The following SLC14A2 variants were observed in gnomAD, a reference collection of about 807,000 sequenced individuals.
The protein encoded by SLC14A2 is urea transporter 2.
Under a neutral mutation model 104.6 loss-of-function variants are expected in SLC14A2, and 91 were observed. The observed-to-expected ratio is 0.87, with a 90% confidence interval of 0.73 to 1.04. The LOEUF (loss-of-function observed/expected upper bound fraction) is 1.04. Among genes scored for constraint, SLC14A2 ranks in the 50% least tolerant of loss-of-function variants. SLC14A2 has a pLI of 0.00. For synonymous variants in SLC14A2, 476 were observed against 466.4 expected (o/e 1.02, Z -0.27); for missense variants, 1,189 against 1,156.0 (o/e 1.03, Z -0.41).
chr18:45,484,175 T>C (rs550733564), intron 2 of SLC14A2, among the ~76,000 whole-genome samples: 3 of 152,178 alleles, frequency 2.0e-5, no homozygotes, highest in Non-Finnish European at 2.9e-5. Context: ...CTGAGTTGTA[T>C]GTTAGGTCCT....
chr18:45,469,226 A>C (rs1687909076), intron 1 of SLC14A2, among the ~76,000 whole-genome samples: 1 of 152,234 alleles, frequency 6.6e-6, no homozygotes, highest in South Asian at 2.1e-4. Context: ...TAAGATGGTA[A>C]TAATGGACAA....
chr18:45,227,585 C>T (rs1277333184), intron 1 of SLC14A2, among the ~76,000 whole-genome samples: 3 of 152,188 alleles, frequency 2.0e-5, no homozygotes, highest in Non-Finnish European at 4.4e-5. Flanking sequence ...GCCCTCCTGG[C>T]CTGATCACCT....
the SLC14A2 span, among the ~76,000 whole-genome samples, chr18:45,170,643 T>C: frequency 6.6e-6 from 1 of 152,192 alleles, no homozygotes; most frequent in Non-Finnish European, 1.5e-5. Context: ...CATAGAACTT[T>C]TCAATTCACT....
chr18:45,315,117 T>C (rs2085116229), intron 1 of SLC14A2, among the ~76,000 whole-genome samples: 1 of 151,998 alleles, frequency 6.6e-6, no homozygotes, highest in African/African-American at 2.4e-5. Context: ...TAAGAAGAAC[T>C]GTATCTCACT....
At chr18:45,590,231 C>T (rs922408943) in intron 2 of SLC14A2, among the ~76,000 whole-genome samples, 1 of 152,168 alleles carries the variant, frequency 6.6e-6, no homozygotes, top group Non-Finnish European at 1.5e-5. Flanking sequence ...CTCTTTCCAT[C>T]AAAGCATGTC....
intron 1 of SLC14A2, among the ~76,000 whole-genome samples, chr18:45,337,637 T>A (rs2085349749): frequency 6.6e-6 from 1 of 152,162 alleles, no homozygotes; most frequent in Non-Finnish European, 1.5e-5. Context: ...CCTTTGGAAT[T>A]TAGGCAGAGC....
intron 2 of SLC14A2, among the ~76,000 whole-genome samples, chr18:45,564,667 G>A (rs1342821928): frequency 6.6e-6 from 1 of 152,216 alleles, no homozygotes; most frequent in Non-Finnish European, 1.5e-5. Context: ...ATGGTTTTAA[G>A]AGATTATAGT....
At chr18:45,315,158 G>A (rs1167251007) in intron 1 of SLC14A2, among the ~76,000 whole-genome samples, 1 of 152,166 alleles carries the variant, frequency 6.6e-6, no homozygotes, top group Non-Finnish European at 1.5e-5. Context: ...GAAGCTTCAG[G>A]AGGCAGGGGA....
intron 1 of SLC14A2, among the ~76,000 whole-genome samples, chr18:45,253,613 G>A (rs1465697867): frequency 6.6e-6 from 1 of 151,724 alleles, no homozygotes; most frequent in Non-Finnish European, 1.5e-5. Context: ...GCTGTTAGGA[G>A]GATAATCAAG....
At chr18:45,398,099 A>G (rs952313778) in intron 1 of SLC14A2, among the ~76,000 whole-genome samples, 2 of 152,208 alleles carry the variant, frequency 1.3e-5, no homozygotes, top group African/African-American at 2.4e-5. Context: ...ATATTTATGT[A>G]TAGAAATTAC....
At chr18:45,388,638 G>A (rs1324900772) in intron 1 of SLC14A2, among the ~76,000 whole-genome samples, 3 of 151,882 alleles carry the variant, frequency 2.0e-5, no homozygotes, top group Non-Finnish European at 2.9e-5. Context: ...TCTGCCACCC[G>A]CCCTTATATT....
At chr18:45,669,668 GC>G (rs1434403306) in intron 16 of SLC14A2, among the ~76,000 whole-genome samples, 170 bp downstream of exon 16, 2 of 151,984 alleles carry the variant, frequency 1.3e-5, no homozygotes, top group African/African-American at 4.8e-5. Context: ...ACTTCTGAGA[GC>G]AAAAAGGGCT....
intron 1 of SLC14A2, among the ~76,000 whole-genome samples, chr18:45,323,747 A>G (rs1340700561): frequency 6.6e-6 from 1 of 152,172 alleles, no homozygotes; most frequent in Non-Finnish European, 1.5e-5. Context: ...TAAGGTTCCT[A>G]TCTCAGTGGA....
chr18:45,614,864 C>G (rs1317102236), upstream of SLC14A2: 1 of 137,320 alleles, frequency 7.3e-6, no homozygotes, highest in Non-Finnish European at 1.5e-5. Flanking sequence ...TTGGCACTAT[C>G]TTGGCTCACT....
intron 1 of SLC14A2, among the ~76,000 whole-genome samples, chr18:45,430,530 G>A (rs1261967350): frequency 1.3e-5 from 2 of 151,818 alleles, no homozygotes; most frequent in Non-Finnish European, 2.9e-5. Flanking sequence ...GGCTCTTTCT[G>A]TGGAAGGGAA....
intron 2 of SLC14A2, among the ~76,000 whole-genome samples, chr18:45,505,515 C>T (rs557235551): frequency 2.0e-5 from 3 of 152,304 alleles, no homozygotes; most frequent in African/African-American, 7.2e-5. Context: ...AACAATCACT[C>T]TTTCACAACT....
chr18:45,600,924 C>T (rs2044781520), intron 2 of SLC14A2, among the ~76,000 whole-genome samples: 1 of 152,166 alleles, frequency 6.6e-6, no homozygotes, highest in Non-Finnish European at 1.5e-5. Context: ...ATGAAGCCAA[C>T]CCTGAGTCAA....
intron 18 of SLC14A2, among the ~76,000 whole-genome samples, chr18:45,677,846 G>C (rs564808769): frequency 2.0e-4 from 31 of 152,252 alleles, no homozygotes; most frequent in Non-Finnish European, 4.1e-4. Flanking sequence ...ATGAGGTCTT[G>C]CTCTGTCACC....
chr18:45,299,051 A>G (rs760703563), intron 1 of SLC14A2, among the ~76,000 whole-genome samples: 15 of 152,212 alleles, frequency 9.9e-5, no homozygotes, highest in Non-Finnish European at 1.8e-4. Flanking sequence ...TTGTTTTGCA[A>G]ATTAGATTCT....
Sources: gnomAD v4.1 joint callset for allele counts (sites outside exome capture counted in the v4.1 genomes callset) on GRCh38, gnomAD v4.1.1 for gene constraint, MANE v1.5 for transcripts, NCBI Gene and HGNC (gene_info 2026-07-23, HGNC 2026-07-21) for gene names.